The following XKR9 variants were observed in gnomAD, a reference collection of about 807,000 sequenced individuals.
The protein encoded by XKR9 is XK-related protein 9.
A neutral mutation model predicts 32.0 loss-of-function variants in XKR9; 32 were observed. That is an observed-to-expected ratio of 1.00 (90% CI 0.76 to 1.34). The LOEUF is 1.34. Ranked by LOEUF, XKR9 falls within the 40% of genes most tolerant of loss-of-function variation. XKR9 has a pLI of 0.00. For missense variants in XKR9, 546 were observed against 429.7 expected (o/e 1.27, Z -2.39); for synonymous variants, 168 against 143.4 (o/e 1.17, Z -1.22).
chr8:70,842,252 C>T, the XKR9 span, among the ~76,000 whole-genome samples: 11,037 of 152,158 alleles, frequency 0.073, 471 homozygotes, highest in Non-Finnish European at 0.089. Flanking sequence ...ATAAGATGCA[C>T]CTTTATGCTG....
chr8:70,782,773 G>A (rs974435419), intron 2 of XKR9, among the ~76,000 whole-genome samples: 15 of 152,054 alleles, frequency 9.9e-5, no homozygotes, highest in African/African-American at 3.4e-4. Flanking sequence ...TTAAAAGACT[G>A]AATAGTATCC....
the XKR9 span, among the ~76,000 whole-genome samples, chr8:71,062,219 G>A: frequency 9.2e-5 from 14 of 152,280 alleles, no homozygotes; most frequent in Non-Finnish European, 1.8e-4. Flanking sequence ...AGATCTAAGG[G>A]AAAGAGTTTC....
the XKR9 span, among the ~76,000 whole-genome samples, chr8:70,933,094 C>T: frequency 6.6e-6 from 1 of 152,082 alleles, no homozygotes; most frequent in African/African-American, 2.4e-5. Flanking sequence ...GCTCACTGTT[C>T]ACCAGAAGAG....
chr8:70,858,764 G>C, the XKR9 span, among the ~76,000 whole-genome samples: 1 of 151,998 alleles, frequency 6.6e-6, no homozygotes. Context: ...GGAAAGGACA[G>C]TCTCTTCAAT....
intron 2 of XKR9, among the ~76,000 whole-genome samples, chr8:70,777,850 A>G (rs1807554479): frequency 6.6e-6 from 1 of 152,060 alleles, no homozygotes; most frequent in Non-Finnish European, 1.5e-5. Context: ...ATTCTGGATA[A>G]TAGCCCTTTG....
chr8:70,972,631 A>G, the XKR9 span, among the ~76,000 whole-genome samples: 1 of 152,136 alleles, frequency 6.6e-6, no homozygotes, highest in Non-Finnish European at 1.5e-5. Context: ...ACCTCAAGTT[A>G]TGTCCCTTCT....
the XKR9 span, among the ~76,000 whole-genome samples, chr8:70,948,177 C>G: frequency 6.6e-6 from 1 of 151,754 alleles, no homozygotes; most frequent in Non-Finnish European, 1.5e-5. Flanking sequence ...ATGACCTAAG[C>G]AGCAAAAACC....
the XKR9 span, among the ~76,000 whole-genome samples, chr8:70,887,751 T>A: frequency 3.3e-5 from 5 of 152,110 alleles, no homozygotes; most frequent in African/African-American, 7.2e-5. Context: ...ATAGAAATGC[T>A]TTTGATTTTT....
the XKR9 span, among the ~76,000 whole-genome samples, chr8:71,026,559 C>A: frequency 1.3e-5 from 2 of 152,144 alleles, no homozygotes; most frequent in Non-Finnish European, 1.5e-5. Context: ...AAAACAATTG[C>A]TATTGTCGCA....
At chr8:70,918,257 G>A in the XKR9 span, among the ~76,000 whole-genome samples, 1 of 152,184 alleles carries the variant, frequency 6.6e-6, no homozygotes, top group Admixed American at 6.5e-5. Context: ...GATTAGGGGA[G>A]GCCAATGTAG....
chr8:70,914,638 T>C, the XKR9 span, among the ~76,000 whole-genome samples: 2 of 152,338 alleles, frequency 1.3e-5, no homozygotes, highest in African/African-American at 4.8e-5. Context: ...GTTGGATATA[T>C]GTATGACAGT....
At chr8:70,834,338 T>C in the XKR9 span, among the ~76,000 whole-genome samples, 1 of 152,150 alleles carries the variant, frequency 6.6e-6, no homozygotes, top group African/African-American at 2.4e-5. Context: ...GTATTTATTC[T>C]TTCTTTGTTG....
At chr8:71,011,315 C>T in the XKR9 span, among the ~76,000 whole-genome samples, 378 of 152,280 alleles carry the variant, frequency 2.5e-3, 4 homozygotes, top group East Asian at 0.015. Context: ...TAGTAACTGA[C>T]GCTATTCCAT....
chr8:70,767,883 A>T (rs1023063985), intron 2 of XKR9, among the ~76,000 whole-genome samples: 4 of 151,948 alleles, frequency 2.6e-5, no homozygotes, highest in African/African-American at 9.7e-5. Context: ...CAGCTCTTGG[A>T]TTCATTAATT....
intron 3 of XKR9, among the ~76,000 whole-genome samples, chr8:70,694,389 C>A (rs938125190): frequency 6.6e-6 from 1 of 151,968 alleles, no homozygotes; most frequent in Non-Finnish European, 1.5e-5. Flanking sequence ...CTGCCCCTCC[C>A]TCTAGGAGTG....
At chr8:70,905,401 T>C in the XKR9 span, among the ~76,000 whole-genome samples, 1 of 152,192 alleles carries the variant, frequency 6.6e-6, no homozygotes. Flanking sequence ...TTCCTTCCAC[T>C]TGATCAAATT....
intron 4 of XKR9, among the ~76,000 whole-genome samples, chr8:70,723,235 A>ATTAAAACATGCTCCT (rs1806342161): frequency 6.6e-6 from 1 of 152,092 alleles, no homozygotes; most frequent in Non-Finnish European, 1.5e-5. Flanking sequence ...CTTGCGTTGC[A>ATTAAAACATGCTCCT]TTAAAACATG....
At chr8:70,914,159 A>T in the XKR9 span, among the ~76,000 whole-genome samples, 6 of 152,256 alleles carry the variant, frequency 3.9e-5, no homozygotes, top group East Asian at 1.2e-3. Flanking sequence ...TGGTTTTCTG[A>T]GCTCAAGTGA....
At chr8:70,777,981 G>A (rs1452731546) in intron 2 of XKR9, among the ~76,000 whole-genome samples, 1 of 152,046 alleles carries the variant, frequency 6.6e-6, no homozygotes, top group African/African-American at 2.4e-5. Flanking sequence ...GTCAATGTTG[G>A]CTTTTGTTGC....
Sources: allele counts gnomAD v4.1 joint callset (sites outside exome capture counted in the v4.1 genomes callset), GRCh38; gene constraint gnomAD v4.1.1; transcripts MANE v1.5; gene names NCBI Gene and HGNC (gene_info 2026-07-23, HGNC 2026-07-21).